Variants in AKAP19 observed in about 807,000 individuals in gnomAD.
AKAP19 encodes the protein A-kinase anchoring protein 19, also known as small A-kinase anchoring protein.
chr2:189,880,601 G>C, the AKAP19 span, among the ~76,000 whole-genome samples: 1 of 152,216 alleles, frequency 6.6e-6, no homozygotes, highest in Admixed American at 6.5e-5. Context: ...CACACTTCAC[G>C]TAAGATACTG....
At chr2:190,101,860 A>G in the AKAP19 span, among the ~76,000 whole-genome samples, 18 of 152,288 alleles carry the variant, frequency 1.2e-4, no homozygotes, top group East Asian at 3.5e-3. Flanking sequence ...ATAGATATTG[A>G]CAAAATACCC....
chr2:190,154,683 A>G, the AKAP19 span, among the ~76,000 whole-genome samples: 9 of 152,278 alleles, frequency 5.9e-5, no homozygotes, highest in Admixed American at 1.3e-4. Flanking sequence ...TGATAGAAGT[A>G]TATGACTTAT....
the AKAP19 span, among the ~76,000 whole-genome samples, chr2:189,924,960 A>G: frequency 1.1e-4 from 17 of 152,144 alleles, no homozygotes; most frequent in African/African-American, 2.9e-4. Flanking sequence ...CATGAGCTCA[A>G]TGTTAGTGAA....
the AKAP19 span, among the ~76,000 whole-genome samples, chr2:190,107,595 C>T: frequency 6.6e-6 from 1 of 152,176 alleles, no homozygotes; most frequent in South Asian, 2.1e-4. Flanking sequence ...TGTCCAGCCT[C>T]ATCCTTCAGC....
chr2:189,991,709 C>G, the AKAP19 span, among the ~76,000 whole-genome samples: 1 of 152,244 alleles, frequency 6.6e-6, no homozygotes, highest in East Asian at 1.9e-4. Flanking sequence ...AACTAGGTCC[C>G]ATCTATTTAT....
the AKAP19 span, among the ~76,000 whole-genome samples, chr2:190,169,585 C>A: frequency 6.6e-6 from 1 of 152,168 alleles, no homozygotes. Context: ...TTCTTATGAA[C>A]AAATAACAGG....
chr2:190,190,305 T>C, the AKAP19 span, among the ~76,000 whole-genome samples: 1 of 152,226 alleles, frequency 6.6e-6, no homozygotes, highest in Non-Finnish European at 1.5e-5. Context: ...TTGAAATTCA[T>C]ATAAATATGA....
At chr2:190,107,399 C>T in the AKAP19 span, among the ~76,000 whole-genome samples, 1,973 of 152,158 alleles carry the variant, frequency 0.013, 21 homozygotes, top group Admixed American at 0.021. Flanking sequence ...AACAAGTTTT[C>T]ATTCAAGTTG....
At chr2:190,004,362 A>G in the AKAP19 span, among the ~76,000 whole-genome samples, 1 of 152,182 alleles carries the variant, frequency 6.6e-6, no homozygotes, top group Non-Finnish European at 1.5e-5. Flanking sequence ...TATTATCTGT[A>G]TTTTGCTCAA....
At chr2:190,178,932 A>G in the AKAP19 span, among the ~76,000 whole-genome samples, 3 of 152,192 alleles carry the variant, frequency 2.0e-5, no homozygotes, top group African/African-American at 4.8e-5. This position sits in a 1 kb window ranked among gnomAD's most constrained non-coding sequence, Gnocchi z 6.3. Context: ...TGATTCCAGC[A>G]CTAGGTTGAT....
the AKAP19 span, among the ~76,000 whole-genome samples, chr2:190,003,866 A>T: frequency 6.6e-6 from 1 of 152,082 alleles, no homozygotes; most frequent in African/African-American, 2.4e-5. Context: ...GACTCTGTAT[A>T]AAGAGAAAAA....
chr2:190,157,740 A>G, the AKAP19 span, among the ~76,000 whole-genome samples: 2 of 152,198 alleles, frequency 1.3e-5, no homozygotes, highest in Non-Finnish European at 2.9e-5. Context: ...TCGCCTCAAG[A>G]CTATGTCTCA....
At chr2:190,183,139 AGT>A in the AKAP19 span, among the ~76,000 whole-genome samples, 9 of 152,126 alleles carry the variant, frequency 5.9e-5, no homozygotes, top group Non-Finnish European at 1.2e-4. Flanking sequence ...CTGGTTTTGG[AGT>A]CTGGCCCTGA....
chr2:190,129,739 A>T, the AKAP19 span, among the ~76,000 whole-genome samples: 1 of 152,156 alleles, frequency 6.6e-6, no homozygotes, highest in Admixed American at 6.6e-5. Context: ...AGTCACCATG[A>T]TCAGAAGATC....
chr2:190,038,901 T>TCC, the AKAP19 span, among the ~76,000 whole-genome samples: 1 of 46,002 alleles, frequency 2.2e-5, no homozygotes, highest in Non-Finnish European at 4.6e-5. Flanking sequence ...TCTTTCTTTC[T>TCC]TTCTTCTTCT....
chr2:189,927,243 G>A, the AKAP19 span, among the ~76,000 whole-genome samples: 1 of 152,074 alleles, frequency 6.6e-6, no homozygotes, highest in Non-Finnish European at 1.5e-5. Flanking sequence ...TCAGTACTCA[G>A]GCTGAAATCT....
chr2:190,131,589 C>T, the AKAP19 span, among the ~76,000 whole-genome samples: 104 of 152,290 alleles, frequency 6.8e-4, no homozygotes, highest in Middle Eastern at 6.8e-3. Context: ...CTGTGAGCTG[C>T]TCCAGCAAAT....
the AKAP19 span, among the ~76,000 whole-genome samples, chr2:190,019,770 C>T: frequency 6.6e-6 from 1 of 152,070 alleles, no homozygotes; most frequent in Non-Finnish European, 1.5e-5. Context: ...CCAGGATTAT[C>T]CTCTCTGTTT....
chr2:189,967,021 C>T, the AKAP19 span, among the ~76,000 whole-genome samples: 3 of 152,218 alleles, frequency 2.0e-5, no homozygotes, highest in South Asian at 6.2e-4. Flanking sequence ...ATAGAAGTAC[C>T]GATACATGGC....
Sources: gnomAD v4.1 joint callset for allele counts (sites outside exome capture counted in the v4.1 genomes callset) on GRCh38, gnomAD v4.1.1 for gene constraint, Gnocchi (gnomAD v3.1) non-coding constraint, MANE v1.5 for transcripts, NCBI Gene and HGNC (gene_info 2026-07-23, HGNC 2026-07-21) for gene names.